SORL1: variants seen among roughly 807,000 people sequenced by gnomAD.
SORL1 encodes sortilin-related receptor.
In SORL1, 127 loss-of-function variants were observed where a neutral mutation model predicts 273.7. That is an observed-to-expected ratio of 0.46 (90% CI 0.40 to 0.54). The LOEUF (loss-of-function observed/expected upper bound fraction) is 0.54. SORL1 is among the 20% of genes least tolerant of loss of function. The pLI, the probability that SORL1 is intolerant of heterozygous loss-of-function variation, is 0.00. For synonymous variants in SORL1, 1,031 were observed against 1,067.4 expected, an observed-to-expected ratio of 0.97 and a Z score of 0.66; for missense variants, 2,494 against 2,846.1, an observed-to-expected ratio of 0.88 and a Z score of 2.81.
At chr11:121,485,455 G>T (rs1395264691) in intron 3 of SORL1, among the ~76,000 whole-genome samples, 2 of 152,232 alleles carry the variant, frequency 1.3e-5, no homozygotes, top group African/African-American at 4.8e-5. Flanking sequence ...ATTATTAAAA[G>T]AGTGTATAAC....
chr11:121,498,399 G>A (rs1413863284), intron 6 of SORL1, among the ~76,000 whole-genome samples: 1 of 152,118 alleles, frequency 6.6e-6, no homozygotes, highest in African/African-American at 2.4e-5. Flanking sequence ...GGGTTTATAG[G>A]CCTTTTCTGC....
At chr11:121,459,909 A>G (rs1177531364) in intron 1 of SORL1, among the ~76,000 whole-genome samples, 1 of 152,154 alleles carries the variant, frequency 6.6e-6, no homozygotes, top group East Asian at 1.9e-4. Flanking sequence ...CTGACCTTTT[A>G]ACTTAGCTTG....
intron 5 of SORL1, 35 bp from the exon 6 acceptor site, chr11:121,496,834 C>T: frequency 3.2e-6 from 5 of 1,568,244 alleles, no homozygotes; most frequent in Non-Finnish European, 4.3e-6. Flanking sequence ...ATTAAATGTG[C>T]AAATGATAAC....
intron 36 of SORL1, 68 bp downstream of exon 36, chr11:121,607,025 T>G (rs1863487450): frequency 8.0e-7 from 1 of 1,245,214 alleles, no homozygotes; most frequent in Non-Finnish European, 1.2e-6. Context: ...GTATTCTGTA[T>G]GACGAGGGGG....
chr11:121,519,209 G>C (rs548603686), intron 8 of SORL1, among the ~76,000 whole-genome samples: 1 of 152,028 alleles, frequency 6.6e-6, no homozygotes, highest in East Asian at 1.9e-4. Flanking sequence ...GCCTCCCAAA[G>C]TGCTGGGATT....
intron 32 of SORL1, among the ~76,000 whole-genome samples, chr11:121,600,897 C>CT (rs1863378640): frequency 7.0e-6 from 1 of 142,690 alleles, no homozygotes; most frequent in African/African-American, 3.0e-5. Context: ...TAATTTAAGG[C>CT]TCTTTTTTTT....
intron 6 of SORL1, among the ~76,000 whole-genome samples, chr11:121,511,172 C>T (rs1414233936): frequency 6.6e-6 from 1 of 151,886 alleles, no homozygotes; most frequent in Non-Finnish European, 1.5e-5. Context: ...GGGATCGATG[C>T]ATTTTGAGAT....
intron 2 of SORL1, among the ~76,000 whole-genome samples, chr11:121,477,417 G>T (rs540934431): frequency 3.1e-4 from 47 of 152,284 alleles, no homozygotes; most frequent in East Asian, 1.2e-3. Flanking sequence ...CAAATCCTCC[G>T]TTCCATTCCC....
chr11:121,564,438 C>T (rs189029754), intron 21 of SORL1, among the ~76,000 whole-genome samples: 3 of 152,284 alleles, frequency 2.0e-5, no homozygotes, highest in East Asian at 3.9e-4. Flanking sequence ...TTTGAGTTCT[C>T]TACTCTTAGC....
chr11:121,569,610 G>C (rs1862806919), intron 22 of SORL1, among the ~76,000 whole-genome samples: 1 of 152,174 alleles, frequency 6.6e-6, no homozygotes, highest in Non-Finnish European at 1.5e-5. Flanking sequence ...GGAAATTCCT[G>C]CCTAATAAAT....
At chr11:121,511,532 G>T (rs895887220) in intron 6 of SORL1, among the ~76,000 whole-genome samples, 1 of 152,230 alleles carries the variant, frequency 6.6e-6, no homozygotes, top group South Asian at 2.1e-4. Flanking sequence ...GCTGGGAACT[G>T]TTTTCTTATT....
In SORL1 at chr11:121,595,888, C is replaced by A. The variant is rs550792972; in HGVS notation, c.4519+116C>A. 2.7e-6 allele frequency: 3 copies of A among 1,123,460 alleles called. No individual in the cohort carries two copies. Among genetic ancestry groups the A allele is most frequent in the South Asian group, 1.6e-5 (1 of 63,276 alleles). 69.6% of individuals were successfully genotyped at this position (1,123,460 alleles called of 1,614,324 possible). A position where few individuals can be genotyped will look rare whatever the true frequency, so the allele number is the denominator to read the frequency against. On this transcript the variant is annotated intron_variant, in intron 32 of 47. Coordinates refer to ENST00000260197, the MANE Select transcript of SORL1 (RefSeq NM_003105.6). This position sits in a 1 kb window ranked among gnomAD's most constrained non-coding sequence, Gnocchi z 5.1. The stretch of plus-strand genomic sequence containing the variant: ...GCCTGTGTGTGAGTCTGTGTACTTG[C>A]GTAACCATGCTCTTACTGCATTCTC...
At position 121,543,713 on chromosome 11, in the gene SORL1, C is replaced by T; in HGVS notation, c.1851C>T (p.Ala617=). The change falls in exon 13 of 48, where the codon GCC becomes GCT. Residue 617 remains alanine (A), a synonymous_variant. Coordinates refer to ENST00000260197, the MANE Select transcript of SORL1 (RefSeq NM_003105.6). ...GCTGGCTGATCCTCCAGGTCAATGC[C>T]ACGGATGCCTTGGGTAAGCTGCTGC... ...VHSWLILQVN[A]TDALGVPCTE... 1 of 1,612,770 alleles carries T rather than the reference C, an allele frequency of 6.2e-7. No homozygotes were observed. The highest frequency in any genetic ancestry group is 1.1e-5 in the South Asian group (1 of 91,052).
At chr11:121,562,052 T>C (rs1207212883) in intron 21 of SORL1, among the ~76,000 whole-genome samples, 3 of 152,102 alleles carry the variant, frequency 2.0e-5, no homozygotes, top group African/African-American at 7.2e-5. Flanking sequence ...TTTTGGACAC[T>C]GATAGGACAC....
Position 121,484,593 on chromosome 11 carries a change from G to A in SORL1, c.529-3439G>A, listed in dbSNP as rs1000972840. On this transcript the variant is annotated intron_variant, in intron 3 of 47. Coordinates refer to ENST00000260197, the MANE Select transcript of SORL1 (RefSeq NM_003105.6). ...AGCAGGCAGGAGACTTGGGACGTGG[G>A]GAGGGAGAATTGGGTTTTGTTGGGA... Among the ~76,000 whole-genome samples, 11 of 152,208 alleles carry A rather than the reference G, an allele frequency of 7.2e-5. No individual in the cohort carries two copies. The South Asian group carries it at 8.3e-4, about 11-fold the overall frequency.
intron 1 of SORL1, among the ~76,000 whole-genome samples, chr11:121,460,252 C>A: frequency 6.6e-6 from 1 of 151,926 alleles, no homozygotes. Flanking sequence ...GGGAAGATGA[C>A]TAGGGTGAAT....
intron 25 of SORL1, 87 bp from the exon 26 acceptor site, chr11:121,583,371 C>T: frequency 6.9e-7 from 1 of 1,453,566 alleles, no homozygotes; most frequent in Non-Finnish European, 9.2e-7. Flanking sequence ...CTACCTCATG[C>T]AAACCTCTTT....
At chr11:121,578,454 T>C (rs922346565) in intron 25 of SORL1, among the ~76,000 whole-genome samples, 4 of 152,202 alleles carry the variant, frequency 2.6e-5, no homozygotes, top group Non-Finnish European at 5.9e-5. Flanking sequence ...CGCCTACTAA[T>C]TGGTAAAAGG....
chr11:121,553,256 C>G (rs1367219777), intron 16 of SORL1, among the ~76,000 whole-genome samples: 1 of 152,296 alleles, frequency 6.6e-6, no homozygotes, highest in East Asian at 1.9e-4. Context: ...GTTCTACCAT[C>G]AGGCAGTTGT....
Sources: gnomAD v4.1 joint callset for allele counts (sites outside exome capture counted in the v4.1 genomes callset) on GRCh38, gnomAD v4.1.1 for gene constraint, Gnocchi (gnomAD v3.1) non-coding constraint, MANE v1.5 for transcripts, NCBI Gene and HGNC (gene_info 2026-07-23, HGNC 2026-07-21) for gene names.